Variants in TBC1D9 observed in about 807,000 individuals in gnomAD.
TBC1D9 encodes the protein TBC1 domain family member 9, also known as TBC1 domain family member 9A.
TBC1D9 carries 63 observed loss-of-function variants against 132.0 expected under a neutral mutation model. That is an observed-to-expected ratio of 0.48 (90% confidence interval 0.39 to 0.59). The LOEUF (loss-of-function observed/expected upper bound fraction) is 0.59, where lower values mean the gene tolerates loss of function less well. Ranked by LOEUF, TBC1D9 falls within the 20% of genes least tolerant of loss-of-function variation. The pLI, the probability that TBC1D9 is intolerant of heterozygous loss-of-function variation, is 0.00. For synonymous variants in TBC1D9, 610 were observed against 609.9 expected (o/e 1.00, Z 0.00); for missense variants, 1,261 against 1,592.7 (o/e 0.79, Z 3.54).
At chr4:140,651,219 A>G (rs1270255087) in intron 13 of TBC1D9, among the ~76,000 whole-genome samples, 2 of 152,254 alleles carry the variant, frequency 1.3e-5, no homozygotes, top group African/African-American at 4.8e-5. Flanking sequence ...CTATAATCCC[A>G]GCACTTTGGG....
intron 5 of TBC1D9, 110 bp downstream of exon 5, chr4:140,678,832 G>A (rs1355219856): frequency 3.0e-6 from 4 of 1,323,304 alleles, no homozygotes; most frequent in African/African-American, 1.5e-5. Context: ...TCTATACACA[G>A]AAGAGTGTTC....
chr4:140,634,284 T>A, intron 15 of TBC1D9, 96 bp from the exon 16 acceptor site: 1 of 1,511,388 alleles, frequency 6.6e-7, no homozygotes. Context: ...TTTAGGTGAA[T>A]CTGTGTGCAT....
intron 13 of TBC1D9, chr4:140,643,524 TC>T: frequency 2.3e-6 from 2 of 873,468 alleles, no homozygotes; most frequent in Admixed American, 2.0e-5. Context: ...GCACTCTCCC[TC>T]CCCGGCGGGC....
At chr4:140,693,182 C>T (rs116852720) in intron 2 of TBC1D9, among the ~76,000 whole-genome samples, 3,512 of 152,110 alleles carry the variant, frequency 0.023, 83 homozygotes, top group Admixed American at 0.059. Flanking sequence ...AGTCTGGTCT[C>T]AAACTCCTGG....
chr4:140,696,286 G>A (rs7679211), intron 2 of TBC1D9, among the ~76,000 whole-genome samples: 132,661 of 151,294 alleles, frequency 0.88, 58,320 homozygotes, highest in African/African-American at 0.93. Context: ...GTGAAACCCC[G>A]TCTCTACTAA....
At chr4:140,657,252 A>G (rs1423035657) in intron 12 of TBC1D9, 26 bp from the exon 13 acceptor site, 1 of 1,607,164 alleles carries the variant, frequency 6.2e-7, no homozygotes, top group East Asian at 2.2e-5. Flanking sequence ...ATCAGAAGTC[A>G]CAGGAGAAGA....
Position 140,622,412 on chromosome 4 carries a change from C to A in TBC1D9, c.3584G>T (p.Gly1195Val). The change falls in exon 21 of 21, where the codon GGC becomes GTC. Residue 1195 changes from glycine to valine, a missense_variant. By Grantham distance (109) the Gly-to-Val change is moderately radical. Coordinates refer to ENST00000442267, the MANE Select transcript of TBC1D9 (RefSeq NM_015130.3). The part of the protein sequence containing the change: ...EDTVLVRSGQ[G>V]TAALPRSTSL... ...GGTGCTCCGGGGCAGTGCCGCCGTG[C>A]CCTGGCCGCTCCGCACCAGGACCGT... The A allele has an allele frequency of 6.2e-7, 1 of 1,613,332 alleles. No individual in the cohort carries two copies.
chr4:140,640,914 C>T (rs1375023535), intron 13 of TBC1D9, among the ~76,000 whole-genome samples: 1 of 146,962 alleles, frequency 6.8e-6, no homozygotes, highest in African/African-American at 2.7e-5. Flanking sequence ...ATTTATTTTA[C>T]TTTACCGAAA....
chr4:140,664,243 C>A (rs938429790), intron 9 of TBC1D9, among the ~76,000 whole-genome samples: 1 of 151,828 alleles, frequency 6.6e-6, no homozygotes, highest in African/African-American at 2.4e-5. Flanking sequence ...ATGAAGGCTG[C>A]AGGATACAAA....
At chr4:140,680,992 T>C (rs1335301302) in intron 3 of TBC1D9, among the ~76,000 whole-genome samples, 1 of 152,246 alleles carries the variant, frequency 6.6e-6, no homozygotes, top group Non-Finnish European at 1.5e-5. Context: ...TTTATTTTTA[T>C]TGCAGACTGG....
At chr4:140,708,893 G>A (rs559083859) in intron 1 of TBC1D9, among the ~76,000 whole-genome samples, 11 of 152,198 alleles carry the variant, frequency 7.2e-5, no homozygotes, top group East Asian at 1.9e-4. Flanking sequence ...ATTCTCAGGC[G>A]CAGGTATTAT....
intron 1 of TBC1D9, among the ~76,000 whole-genome samples, chr4:140,713,836 A>G (rs1438466044): frequency 2.0e-5 from 3 of 152,214 alleles, no homozygotes; most frequent in African/African-American, 7.2e-5. Context: ...AATTTGTACA[A>G]TGTACATGTA....
chr4:140,622,992 G>C, intron 20 of TBC1D9, 75 bp from the exon 21 acceptor site: 1 of 1,429,630 alleles, frequency 7.0e-7, no homozygotes, highest in East Asian at 2.5e-5. Context: ...GGACTGTAAA[G>C]CCATTTAAAT....
intron 11 of TBC1D9, 46 bp from the exon 12 acceptor site, chr4:140,657,858 C>T: frequency 6.4e-7 from 1 of 1,561,270 alleles, no homozygotes; most frequent in Non-Finnish European, 8.7e-7. Context: ...GCCAACTACA[C>T]AGTGTAACTA....
Position 140,643,493 on chromosome 4 carries a change from C to T in TBC1D9, c.2338-4065G>A, listed in dbSNP as rs1039498630. On this transcript the variant is annotated intron_variant, in intron 13 of 20. Transcript: ENST00000442267. ...AGGTGCTGCCGGGCACAGGCACGGC[C>T]TCCCGGGGCTCCAGTCTCGGGCACT... The T allele has an allele frequency of 2.3e-5, 20 of 875,604 alleles. No individual in the cohort carries two copies. In the African/African-American group the frequency reaches 2.8e-4, roughly 12 times the overall value. The allele number at this position is 875,604 out of a possible 1,614,324, so 54.2% of individuals were successfully genotyped here. A position where few individuals can be genotyped will look rare whatever the true frequency, so the allele number is the denominator to read the frequency against.
intron 13 of TBC1D9, among the ~76,000 whole-genome samples, chr4:140,655,115 A>T (rs919225986): frequency 1.3e-5 from 2 of 152,106 alleles, no homozygotes; most frequent in Admixed American, 6.5e-5. Context: ...ACTTTTTTTT[A>T]AAGTGTATGT....
intron 13 of TBC1D9, among the ~76,000 whole-genome samples, chr4:140,654,989 T>G (rs1264018628): frequency 6.6e-6 from 1 of 152,104 alleles, no homozygotes; most frequent in Admixed American, 6.5e-5. Context: ...AAATAAATTT[T>G]GTTACCTCAT....
chr4:140,722,784 G>T (rs1324475851), intron 1 of TBC1D9, among the ~76,000 whole-genome samples: 22 of 152,040 alleles, frequency 1.4e-4, no homozygotes, highest in Admixed American at 1.4e-3. Flanking sequence ...TCACTACTTT[G>T]TCTGAAATGT....
chr4:140,627,607 G>T, intron 17 of TBC1D9, 80 bp from the exon 18 acceptor site: 1 of 934,638 alleles, frequency 1.1e-6, no homozygotes, highest in Non-Finnish European at 1.7e-6. Context: ...TAAATAAAAT[G>T]ACATAAGTGG....
Sources: gnomAD v4.1 joint callset for allele counts (sites outside exome capture counted in the v4.1 genomes callset) on GRCh38, gnomAD v4.1.1 for gene constraint, MANE v1.5 for transcripts, NCBI Gene and HGNC (gene_info 2026-07-23, HGNC 2026-07-21) for gene names.